Variants in AFF3 observed in about 807,000 individuals in gnomAD.
AFF3 encodes the protein AF4/FMR2 family member 3.
AFF3 carries 32 observed loss-of-function variants against 129.7 expected under a neutral mutation model. The ratio of observed to expected loss-of-function variants is 0.25; its 90% confidence interval spans 0.19 to 0.33. The LOEUF (loss-of-function observed/expected upper bound fraction) is 0.33, where lower values mean the gene tolerates loss of function less well. Among genes scored for constraint, AFF3 ranks in the 10% least tolerant of loss-of-function variants. The probability of loss-of-function intolerance (pLI) is 1.00; values close to 1 mark genes in which losing one functional copy is unlikely to be tolerated. For synonymous variants in AFF3, 644 were observed against 635.4 expected, an observed-to-expected ratio of 1.01 and a Z score of -0.20; for missense variants, 1,373 against 1,592.0, an observed-to-expected ratio of 0.86 and a Z score of 2.34.
At chr2:99,695,679 AAT>A in intron 11 of AFF3, among the ~76,000 whole-genome samples, 1 of 152,134 alleles carries the variant, frequency 6.6e-6, no homozygotes, top group African/African-American at 2.4e-5. Flanking sequence ...CAACAACCTT[AAT>A]AAGCAGAAGA....
At chr2:99,753,616 A>T (rs1055572435) in intron 8 of AFF3, among the ~76,000 whole-genome samples, 10 of 151,316 alleles carry the variant, frequency 6.6e-5, no homozygotes, top group African/African-American at 2.4e-4. Flanking sequence ...TGGGTCATTC[A>T]CCTCCCCCAG....
At chr2:99,643,207 A>C (rs1684376533) in intron 13 of AFF3, among the ~76,000 whole-genome samples, 1 of 151,846 alleles carries the variant, frequency 6.6e-6, no homozygotes, top group East Asian at 1.9e-4. Context: ...TTACAGGTGC[A>C]CGCCACCACG....
Position 99,638,965 on chromosome 2 carries a change from T to C in AFF3, c.1184+10661A>G, listed in dbSNP as rs910051857. On this transcript the variant is annotated intron_variant, in intron 13 of 24. Coordinates refer to ENST00000672756, the MANE Select transcript of AFF3 (RefSeq NM_001386135.1). ...TGTTTCTGCAGGCTCGTGGGAATTG[T>C]GAACATTGACTTGAATGGGTTAAAA... Among the ~76,000 whole-genome samples, 75 of 152,286 alleles carry C rather than the reference T, an allele frequency of 4.9e-4. 2 individuals carry two copies. The highest frequency in any genetic ancestry group is 4.7e-3 in the Admixed American group (72 of 15,298).
At chr2:99,923,312 T>C (rs1695985897) in intron 7 of AFF3, among the ~76,000 whole-genome samples, 1 of 152,224 alleles carries the variant, frequency 6.6e-6, no homozygotes, top group African/African-American at 2.4e-5. Context: ...ACAGTGTTGA[T>C]AAGGTCTGAA....
chr2:99,701,354 G>A (rs1676842697), intron 11 of AFF3, among the ~76,000 whole-genome samples: 1 of 152,146 alleles, frequency 6.6e-6, no homozygotes, highest in African/African-American at 2.4e-5. Flanking sequence ...TCCTGCTAGA[G>A]GCCTGAAGTC....
Position 99,715,461 on chromosome 2 carries a change from CTAATA to C in AFF3, c.1091+11611_1091+11615del, listed in dbSNP as rs371457620. Among the ~76,000 whole-genome samples, 630 of 152,220 alleles carry C rather than the reference CTAATA, an allele frequency of 4.1e-3. 5 individuals are homozygous for C. Among genetic ancestry groups the C allele is most frequent in the African/African-American group, 0.015 (607 of 41,512 alleles). On this transcript the variant is annotated intron_variant, in intron 11 of 24. Coordinates refer to ENST00000672756, the MANE Select transcript of AFF3 (RefSeq NM_001386135.1). ...GGCACTTTCCATATATGAATTCCAA[CTAATA>C]TATTAATTTTTGAAGAAGGAACATT...
At chr2:99,866,828 T>G (rs1691438304) in intron 7 of AFF3, among the ~76,000 whole-genome samples, 1 of 151,428 alleles carries the variant, frequency 6.6e-6, no homozygotes, top group African/African-American at 2.4e-5. Context: ...AATACAAAAT[T>G]AGCTGGGTGT....
At chr2:99,739,068 G>GA (rs1360869421) in intron 10 of AFF3, among the ~76,000 whole-genome samples, 14 of 140,080 alleles carry the variant, frequency 1.0e-4, no homozygotes, top group Admixed American at 2.9e-4. Context: ...GGGTTTTTGA[G>GA]AAAAAATCAT....
intron 7 of AFF3, among the ~76,000 whole-genome samples, chr2:99,974,508 A>G (rs1678690083): frequency 6.6e-6 from 1 of 152,230 alleles, no homozygotes; most frequent in African/African-American, 2.4e-5. Context: ...AAGGCACACC[A>G]CTAAAAGCAT....
chr2:99,620,896 C>T (rs1681936207), intron 13 of AFF3, among the ~76,000 whole-genome samples: 1 of 152,158 alleles, frequency 6.6e-6, no homozygotes, highest in Admixed American at 6.5e-5. Context: ...CACCTGCTTC[C>T]CCTTCACCTT....
intron 7 of AFF3, among the ~76,000 whole-genome samples, chr2:99,890,987 G>C (rs1478775023): frequency 6.6e-6 from 1 of 152,202 alleles, no homozygotes; most frequent in Non-Finnish European, 1.5e-5. Context: ...TGAAATGATA[G>C]TTTGTTACAC....
chr2:99,973,173 T>C (rs763886070), intron 7 of AFF3, among the ~76,000 whole-genome samples: 2 of 152,252 alleles, frequency 1.3e-5, no homozygotes, highest in Admixed American at 6.5e-5. Flanking sequence ...GTGCTCACTG[T>C]AGAGAAAGTT....
chr2:99,799,323 A>G (rs1246361508), intron 8 of AFF3, among the ~76,000 whole-genome samples: 7 of 152,012 alleles, frequency 4.6e-5, no homozygotes, highest in African/African-American at 1.7e-4. Context: ...AGAAAAGAAT[A>G]GTGAAAAGAG....
At chr2:99,861,654 G>A (rs1054024206) in intron 7 of AFF3, among the ~76,000 whole-genome samples, 7 of 152,048 alleles carry the variant, frequency 4.6e-5, no homozygotes, top group Middle Eastern at 3.2e-3. Context: ...ATCTTGAAAC[G>A]CATCATACAT....
intron 13 of AFF3, among the ~76,000 whole-genome samples, chr2:99,621,351 A>G (rs998123847): frequency 5.3e-5 from 8 of 152,178 alleles, no homozygotes; most frequent in Non-Finnish European, 2.9e-5. Flanking sequence ...TACCTCTAGG[A>G]GTCTAGATAA....
intron 7 of AFF3, among the ~76,000 whole-genome samples, chr2:99,916,886 G>A (rs1461929471): frequency 6.6e-6 from 1 of 152,138 alleles, no homozygotes; most frequent in African/African-American, 2.4e-5. Flanking sequence ...GCAAAGATGA[G>A]GGGCCTGATG....
chr2:99,659,501 C>G (rs550973128), intron 12 of AFF3, among the ~76,000 whole-genome samples: 1 of 152,272 alleles, frequency 6.6e-6, no homozygotes, highest in South Asian at 2.1e-4. Flanking sequence ...GATTTATCTT[C>G]TGGACAGCTG....
chr2:100,106,264 A>G, intron 2 of AFF3: 1 of 1,174,498 alleles, frequency 8.5e-7, no homozygotes, highest in South Asian at 1.7e-5. Context: ...GAGAAAATGA[A>G]ATTGTTATTT....
intron 8 of AFF3, among the ~76,000 whole-genome samples, chr2:99,814,831 A>G (rs1687092920): frequency 6.7e-6 from 1 of 150,036 alleles, no homozygotes; most frequent in Non-Finnish European, 1.5e-5. Context: ...ACTATGCCAT[A>G]TGATTTGGCA....
Sources: gnomAD v4.1 joint callset for allele counts (sites outside exome capture counted in the v4.1 genomes callset) on GRCh38, gnomAD v4.1.1 for gene constraint, MANE v1.5 for transcripts, NCBI Gene and HGNC (gene_info 2026-07-23, HGNC 2026-07-21) for gene names.